GABRB2: variants seen among roughly 807,000 people sequenced by gnomAD.
The protein encoded by GABRB2 is gamma-aminobutyric acid receptor subunit beta-2.
A neutral mutation model predicts 54.7 loss-of-function variants in GABRB2; 16 were observed. The observed-to-expected ratio is 0.29, with a 90% CI of 0.20 to 0.44. The LOEUF is 0.44. GABRB2 is among the 20% of genes least tolerant of loss of function. The probability of loss-of-function intolerance (pLI) is 1.00; values close to 1 mark genes in which losing one functional copy is unlikely to be tolerated. For missense variants in GABRB2, 355 were observed against 644.0 expected, an observed-to-expected ratio of 0.55 and a Z score of 4.86; for synonymous variants, 244 against 233.8, an observed-to-expected ratio of 1.04 and a Z score of -0.40.
intron 9 of GABRB2, among the ~76,000 whole-genome samples, chr5:161,320,392 G>A (rs1758176708): frequency 6.6e-6 from 1 of 151,662 alleles, no homozygotes; most frequent in African/African-American, 2.4e-5. Context: ...GTACATAAAA[G>A]AGTTTATACA....
At chr5:161,478,515 C>T (rs1419100236) in intron 3 of GABRB2, among the ~76,000 whole-genome samples, 1 of 151,952 alleles carries the variant, frequency 6.6e-6, no homozygotes, top group Admixed American at 6.6e-5. Flanking sequence ...TTAAGCACAT[C>T]AAAACAAAAT....
intron 4 of GABRB2, among the ~76,000 whole-genome samples, chr5:161,450,257 G>C (rs1757753416): frequency 6.6e-6 from 1 of 152,190 alleles, no homozygotes; most frequent in African/African-American, 2.4e-5. Context: ...ACAGACATGA[G>C]AACAACTAGG....
chr5:161,399,085 C>G (rs563441554), intron 5 of GABRB2, among the ~76,000 whole-genome samples: 1 of 152,060 alleles, frequency 6.6e-6, no homozygotes, highest in Non-Finnish European at 1.5e-5. Flanking sequence ...AGGAATTCTA[C>G]AAATATAGTG....
chr5:161,360,666 G>A (rs551078537), intron 5 of GABRB2, among the ~76,000 whole-genome samples: 1 of 152,226 alleles, frequency 6.6e-6, no homozygotes, highest in African/African-American at 2.4e-5. Flanking sequence ...ACAATAGAAT[G>A]AGAATATGAC....
chr5:161,419,646 T>C (rs1756790452), intron 4 of GABRB2, among the ~76,000 whole-genome samples: 1 of 152,228 alleles, frequency 6.6e-6, no homozygotes, highest in Admixed American at 6.5e-5. Flanking sequence ...GAATGAAATC[T>C]TGTCTTTGCA....
intron 3 of GABRB2, among the ~76,000 whole-genome samples, chr5:161,539,883 C>T (rs572047113): frequency 1.8e-4 from 27 of 152,212 alleles, no homozygotes; most frequent in African/African-American, 6.0e-4. Context: ...ATGTACATAC[C>T]GTAATTTTAA....
rs551417276 is a variant in GABRB2, at chr5:161,371,244, G to T, written c.542-34475C>A. 3.9e-5 allele frequency among the ~76,000 whole-genome samples: 6 copies of T among 151,942 alleles called. No individual in the cohort carries two copies. In the East Asian group the frequency reaches 5.8e-4, roughly 15 times the overall value. On this transcript the variant is annotated intron_variant, in intron 5 of 9. Coordinates refer to ENST00000393959, the MANE Select transcript of GABRB2 (RefSeq NM_001371727.1). The stretch of plus-strand genomic sequence containing the variant: ...TCTCTTGAAAATATACTTTTAGAAA[G>T]ACCTCAAAGTTAAAAGACAGGAAAA...
chr5:161,464,492 A>T (rs936608024), intron 3 of GABRB2, among the ~76,000 whole-genome samples: 22 of 152,096 alleles, frequency 1.4e-4, no homozygotes, highest in African/African-American at 5.1e-4. Flanking sequence ...ATACATTGCA[A>T]GTGGAAATAC....
In GABRB2 at chr5:161,306,439, C is replaced by T. The variant is rs116439610; in HGVS notation, c.1192-12011G>A. On this transcript the variant is annotated intron_variant, in intron 9 of 9. Coordinates refer to ENST00000393959, the MANE Select transcript of GABRB2 (RefSeq NM_001371727.1). ...AGATATTTTTTTCCATATATTCCTA[C>T]TCCTACCTCCTCTTGTTTTTTATTT... is the stretch of plus-strand genomic sequence containing the variant. Among the ~76,000 whole-genome samples the T allele has an allele frequency of 9.9e-3, 1,510 of 152,312 alleles. 27 individuals carry two copies. The highest frequency in any genetic ancestry group is 0.034 in the African/African-American group (1,397 of 41,560).
chr5:161,394,403 A>T (rs1041799447), intron 5 of GABRB2, among the ~76,000 whole-genome samples: 1 of 152,038 alleles, frequency 6.6e-6, no homozygotes, highest in Non-Finnish European at 1.5e-5. Flanking sequence ...AGAGAAAACT[A>T]ACAGAGTCAG....
intron 3 of GABRB2, among the ~76,000 whole-genome samples, chr5:161,499,047 G>C (rs1759344128): frequency 1.3e-5 from 2 of 151,932 alleles, no homozygotes; most frequent in Admixed American, 6.6e-5. Flanking sequence ...TTCTTTGTTT[G>C]ATCACCAATA....
intron 3 of GABRB2, among the ~76,000 whole-genome samples, chr5:161,483,509 T>A (rs1025454581): frequency 3.3e-5 from 5 of 151,962 alleles, no homozygotes; most frequent in Admixed American, 3.3e-4. Flanking sequence ...ACTCCTGGCC[T>A]GACCTCTTTA....
chr5:161,301,112 C>A (rs1296908622), intron 9 of GABRB2, among the ~76,000 whole-genome samples: 2 of 152,122 alleles, frequency 1.3e-5, no homozygotes, highest in African/African-American at 2.4e-5. Flanking sequence ...ACACAGTAAG[C>A]AATGGAGCTG....
intron 3 of GABRB2, among the ~76,000 whole-genome samples, chr5:161,541,984 C>A (rs1428927466): frequency 6.6e-6 from 1 of 152,138 alleles, no homozygotes; most frequent in Admixed American, 6.5e-5. Flanking sequence ...GAGAGATGTG[C>A]AACTCTCATT....
At chr5:161,374,792 A>C (rs1459708938) in intron 5 of GABRB2, among the ~76,000 whole-genome samples, 1 of 152,160 alleles carries the variant, frequency 6.6e-6, no homozygotes, top group Non-Finnish European at 1.5e-5. Context: ...GGTACACATA[A>C]CTATACACCA....
At chr5:161,490,681 T>A (rs926352353) in intron 3 of GABRB2, among the ~76,000 whole-genome samples, 1 of 151,680 alleles carries the variant, frequency 6.6e-6, no homozygotes, top group South Asian at 2.1e-4. Flanking sequence ...AGTAACTTGA[T>A]AGAAATTTCA....
At chr5:161,511,180 G>A (rs1161404705) in intron 3 of GABRB2, among the ~76,000 whole-genome samples, 5 of 151,940 alleles carry the variant, frequency 3.3e-5, no homozygotes, top group African/African-American at 1.2e-4. Context: ...TGATGGTTCT[G>A]TCCTACATCA....
intron 9 of GABRB2, among the ~76,000 whole-genome samples, chr5:161,309,942 A>T (rs1035428613): frequency 5.3e-5 from 8 of 151,968 alleles, no homozygotes; most frequent in South Asian, 4.2e-4. Context: ...TAAATTTTTT[A>T]AAAAAGTGGT....
intron 4 of GABRB2, among the ~76,000 whole-genome samples, chr5:161,418,461 C>T (rs1184224239): frequency 6.6e-6 from 1 of 152,118 alleles, no homozygotes; most frequent in Non-Finnish European, 1.5e-5. Context: ...GAAATCTGGA[C>T]TCCTATCTCC....
Sources: allele counts gnomAD v4.1 joint callset (sites outside exome capture counted in the v4.1 genomes callset), GRCh38; gene constraint gnomAD v4.1.1; transcripts MANE v1.5; gene names NCBI Gene and HGNC (gene_info 2026-07-23, HGNC 2026-07-21).